FRMD4A: variants seen among roughly 807,000 people sequenced by gnomAD.
FRMD4A encodes the protein FERM domain-containing protein 4A.
FRMD4A carries 29 observed loss-of-function variants against 129.1 expected under a neutral mutation model. The observed-to-expected ratio is 0.22, with a 90% CI of 0.17 to 0.31. The LOEUF (loss-of-function observed/expected upper bound fraction) is 0.31. FRMD4A is among the 10% of genes least tolerant of loss of function. FRMD4A has a pLI of 1.00. For missense variants in FRMD4A, 1,272 were observed against 1,375.8 expected (o/e 0.92, Z 1.19); for synonymous variants, 634 against 571.6 (o/e 1.11, Z -1.56).
intron 2 of FRMD4A, among the ~76,000 whole-genome samples, chr10:14,022,833 G>T (rs1342059655): frequency 1.3e-5 from 2 of 152,220 alleles, no homozygotes; most frequent in African/African-American, 4.8e-5. Context: ...GAAGGTGGTA[G>T]AAGTGTTAGG....
At chr10:14,297,723 C>G (rs1846054357) in intron 2 of FRMD4A, among the ~76,000 whole-genome samples, 1 of 152,116 alleles carries the variant, frequency 6.6e-6, no homozygotes, top group Admixed American at 6.6e-5. Context: ...GACCTGTAAC[C>G]TGGCCACAGA....
At chr10:13,749,080 C>T (rs1267287030) in intron 8 of FRMD4A, among the ~76,000 whole-genome samples, 1 of 152,184 alleles carries the variant, frequency 6.6e-6, no homozygotes, top group Non-Finnish European at 1.5e-5. Flanking sequence ...GGCGTCTGCA[C>T]CCACTTACTA....
intron 2 of FRMD4A, among the ~76,000 whole-genome samples, chr10:14,023,953 T>G (rs1832874974): frequency 6.6e-6 from 1 of 152,042 alleles, no homozygotes; most frequent in Non-Finnish European, 1.5e-5. Context: ...AAAAAAAAAT[T>G]AGCATTTTGA....
intron 17 of FRMD4A, among the ~76,000 whole-genome samples, chr10:13,669,539 CCAAT>C (rs1318629222): frequency 1.3e-5 from 2 of 152,166 alleles, no homozygotes; most frequent in African/African-American, 4.8e-5. Flanking sequence ...TCCGTTTCTC[CCAAT>C]CACTTTCTTA....
intron 2 of FRMD4A, among the ~76,000 whole-genome samples, chr10:14,285,272 C>A (rs1285110592): frequency 1.3e-5 from 2 of 152,132 alleles, no homozygotes; most frequent in East Asian, 3.9e-4. Flanking sequence ...GGGTCTGAGC[C>A]CAATTATTGT....
chr10:14,189,803 C>G (rs1842261599), intron 2 of FRMD4A, among the ~76,000 whole-genome samples: 1 of 152,174 alleles, frequency 6.6e-6, no homozygotes, highest in Non-Finnish European at 1.5e-5. Context: ...TGAGTTTAGA[C>G]AGATCTTAAC....
intron 2 of FRMD4A, among the ~76,000 whole-genome samples, chr10:14,317,625 A>G (rs865941775): frequency 1.3e-5 from 2 of 152,074 alleles, no homozygotes; most frequent in South Asian, 2.1e-4. Flanking sequence ...TCTGACTGAG[A>G]CCCTCTTAAA....
chr10:13,886,490 A>C (rs527835742), intron 2 of FRMD4A, among the ~76,000 whole-genome samples: 1 of 152,370 alleles, frequency 6.6e-6, no homozygotes, highest in Non-Finnish European at 1.5e-5. Context: ...ACCACAGCAC[A>C]GACTAAGAAA....
intron 13 of FRMD4A, among the ~76,000 whole-genome samples, chr10:13,703,336 G>A (rs1462936511): frequency 2.0e-5 from 3 of 152,038 alleles, no homozygotes; most frequent in African/African-American, 4.8e-5. Flanking sequence ...TACCCAAACC[G>A]TAGAAGTGAA....
Position 13,796,588 on chromosome 10 carries a change from C to T in FRMD4A, c.207G>A (p.Thr69=). The T allele has an allele frequency of 6.4e-7, 1 of 1,569,156 alleles. No individual in the cohort carries two copies. Among genetic ancestry groups the T allele is most frequent in the Non-Finnish European group, 8.8e-7 (1 of 1,139,374 alleles). The change falls in exon 5 of 25, where the codon ACG becomes ACA. Residue 69 remains threonine, a splice_region_variant and synonymous_variant. Transcript: ENST00000357447. The part of the protein sequence containing the change: ...EYFGIAFTDE[T]GHLNWLQLDR... ...CTAGCTGAAGCCAGTTTAAGTGTCC[C>T]CTGAAGAAAATAGAGACAAATTGGT... is the stretch of plus-strand genomic sequence containing the variant.
chr10:13,854,680 C>T (rs1163316975), intron 3 of FRMD4A, among the ~76,000 whole-genome samples: 1 of 151,586 alleles, frequency 6.6e-6, no homozygotes, highest in Non-Finnish European at 1.5e-5. Context: ...GATCCACTCT[C>T]CTTGGCCTCC....
chr10:14,226,447 C>T (rs1238262487), intron 2 of FRMD4A, among the ~76,000 whole-genome samples: 2 of 152,310 alleles, frequency 1.3e-5, no homozygotes, highest in Non-Finnish European at 2.9e-5. Context: ...GACCAGGTTG[C>T]TTAAACTATA....
intron 2 of FRMD4A, among the ~76,000 whole-genome samples, chr10:14,220,442 A>G (rs1401529167): frequency 6.6e-6 from 1 of 152,214 alleles, no homozygotes; most frequent in Non-Finnish European, 1.5e-5. Flanking sequence ...GATGTTCCCC[A>G]TTAGTCAATC....
intron 2 of FRMD4A, among the ~76,000 whole-genome samples, chr10:14,136,374 T>G (rs897631203): frequency 6.6e-6 from 1 of 152,214 alleles, no homozygotes; most frequent in African/African-American, 2.4e-5. Flanking sequence ...AAAACAGTTC[T>G]GTTGAATTTC....
chr10:13,769,519 C>G (rs1027593023), intron 6 of FRMD4A, among the ~76,000 whole-genome samples: 1 of 152,016 alleles, frequency 6.6e-6, no homozygotes, highest in Non-Finnish European at 1.5e-5. Context: ...CATGTTGCCC[C>G]GGGTGGTCTA....
chr10:14,252,164 C>G (rs561626887), intron 2 of FRMD4A, among the ~76,000 whole-genome samples: 22 of 152,258 alleles, frequency 1.4e-4, no homozygotes, highest in African/African-American at 4.1e-4. Flanking sequence ...TTCTCTTTCT[C>G]CTTTCCTCTC....
intron 15 of FRMD4A, among the ~76,000 whole-genome samples, chr10:13,679,470 T>TACACACACACACACAC (rs1418974108): frequency 5.0e-5 from 1 of 19,982 alleles, no homozygotes; most frequent in East Asian, 8.2e-3. Flanking sequence ...AATATATATA[T>TACACACACACACACAC]ATATACACAC....
intron 23 of FRMD4A, chr10:13,652,224 A>C: frequency 1.8e-6 from 1 of 548,126 alleles, no homozygotes. Context: ...ACATCATAGC[A>C]AACAGTTTAT....
intron 2 of FRMD4A, among the ~76,000 whole-genome samples, chr10:14,237,477 C>T (rs943829962): frequency 6.6e-6 from 1 of 152,060 alleles, no homozygotes; most frequent in South Asian, 2.1e-4. Flanking sequence ...ATTACAGGCC[C>T]ACACCACAAT....
Sources: gnomAD v4.1 joint callset for allele counts (sites outside exome capture counted in the v4.1 genomes callset) on GRCh38, gnomAD v4.1.1 for gene constraint, MANE v1.5 for transcripts, NCBI Gene and HGNC (gene_info 2026-07-23, HGNC 2026-07-21) for gene names.